The following ITGBL1 variants were observed in gnomAD, a reference collection of about 807,000 sequenced individuals.
The protein encoded by ITGBL1 is integrin beta-like protein 1.
A neutral mutation model predicts 68.5 loss-of-function variants in ITGBL1; 51 were observed. The observed-to-expected ratio is 0.74, with a 90% CI of 0.59 to 0.94. ITGBL1 has a LOEUF of 0.94. Ranked by LOEUF, ITGBL1 falls within the 40% of genes least tolerant of loss-of-function variation. ITGBL1 has a pLI of 0.00. For missense variants in ITGBL1, 649 were observed against 647.4 expected, an observed-to-expected ratio of 1.00 and a Z score of -0.03; for synonymous variants, 209 against 227.3, an observed-to-expected ratio of 0.92 and a Z score of 0.72.
chr13:101,530,360 T>A (rs1489400106), intron 2 of ITGBL1, among the ~76,000 whole-genome samples: 1 of 152,224 alleles, frequency 6.6e-6, no homozygotes, highest in African/African-American at 2.4e-5. Flanking sequence ...TAGTATCTTA[T>A]AAGTAAGAGT....
chr13:101,549,729 G>A (rs1431995995), intron 2 of ITGBL1, among the ~76,000 whole-genome samples: 1 of 151,842 alleles, frequency 6.6e-6, no homozygotes, highest in Non-Finnish European at 1.5e-5. Context: ...AAAATATCCA[G>A]TATAATTTTC....
chr13:101,485,304 T>C (rs1195450661), intron 2 of ITGBL1, among the ~76,000 whole-genome samples: 1 of 152,078 alleles, frequency 6.6e-6, no homozygotes, highest in Non-Finnish European at 1.5e-5. Context: ...ATTACATGGG[T>C]AAATATATGT....
chr13:101,533,788 CATT>C (rs1262075287), intron 2 of ITGBL1, among the ~76,000 whole-genome samples: 7 of 152,152 alleles, frequency 4.6e-5, no homozygotes, highest in Non-Finnish European at 7.4e-5. Flanking sequence ...TAAGGCCTAA[CATT>C]AGTGTTTTCC....
chr13:101,489,918 T>C (rs1156790099), intron 2 of ITGBL1: 1 of 1,398,816 alleles, frequency 7.1e-7, no homozygotes, highest in Non-Finnish European at 9.8e-7. Flanking sequence ...TTGCTAGCTT[T>C]TAGAACAAGC....
chr13:101,657,529 A>G (rs2032964063), intron 7 of ITGBL1, among the ~76,000 whole-genome samples: 2 of 152,016 alleles, frequency 1.3e-5, no homozygotes, highest in South Asian at 4.1e-4. Context: ...TTTGATTTTC[A>G]TTTGTTTTAT....
chr13:101,584,880 G>T (rs1452294047), intron 6 of ITGBL1, among the ~76,000 whole-genome samples: 1 of 151,844 alleles, frequency 6.6e-6, no homozygotes, highest in Non-Finnish European at 1.5e-5. Flanking sequence ...TAGGGCTCAT[G>T]AATTGCAGGA....
chr13:101,649,629 T>C (rs989425405), intron 7 of ITGBL1, among the ~76,000 whole-genome samples: 1 of 150,920 alleles, frequency 6.6e-6, no homozygotes, highest in Non-Finnish European at 1.5e-5. Context: ...TAGATGCTTC[T>C]GTCACAACCT....
intron 3 of ITGBL1, among the ~76,000 whole-genome samples, chr13:101,569,436 G>A (rs114133703): frequency 1.1e-3 from 161 of 152,212 alleles, no homozygotes; most frequent in African/African-American, 3.7e-3. Flanking sequence ...CAATGTAAAC[G>A]CATTTCTAGG....
At chr13:101,623,124 A>G (rs562842659) in intron 7 of ITGBL1, among the ~76,000 whole-genome samples, 50 of 152,276 alleles carry the variant, frequency 3.3e-4, no homozygotes, top group Non-Finnish European at 6.5e-4. Flanking sequence ...TAGGATAAAT[A>G]TTATTCTCTA....
intron 7 of ITGBL1, among the ~76,000 whole-genome samples, chr13:101,604,661 T>C (rs2139343348): frequency 6.6e-6 from 1 of 150,938 alleles, no homozygotes; most frequent in Non-Finnish European, 1.5e-5. Flanking sequence ...ATGACCAGTA[T>C]GAAAACTTGT....
chr13:101,606,114 A>G (rs201907925), intron 7 of ITGBL1, among the ~76,000 whole-genome samples: 1 of 113,328 alleles, frequency 8.8e-6, no homozygotes, highest in African/African-American at 3.5e-5. Context: ...CTCTCTCTCT[A>G]TATATATATA....
chr13:101,495,815 G>A (rs2048850396), intron 2 of ITGBL1, among the ~76,000 whole-genome samples: 1 of 152,100 alleles, frequency 6.6e-6, no homozygotes, highest in South Asian at 2.1e-4. Context: ...TCCCATTTGT[G>A]TAGGTGTATT....
At chr13:101,665,677 G>A (rs2033196703) in intron 7 of ITGBL1, among the ~76,000 whole-genome samples, 1 of 152,052 alleles carries the variant, frequency 6.6e-6, no homozygotes, top group Non-Finnish European at 1.5e-5. Flanking sequence ...GAGCATTCTT[G>A]TCGTGCTCCC....
At chr13:101,588,581 A>G (rs1034917024) in intron 6 of ITGBL1, among the ~76,000 whole-genome samples, 2 of 152,068 alleles carry the variant, frequency 1.3e-5, no homozygotes, top group Non-Finnish European at 2.9e-5. Flanking sequence ...TAGTTCTGTC[A>G]TTTGAAAGAT....
chr13:101,626,558 A>G (rs1316333820), intron 7 of ITGBL1, among the ~76,000 whole-genome samples: 1 of 152,022 alleles, frequency 6.6e-6, no homozygotes. Context: ...AGTTTCTACT[A>G]CCTTTATCTG....
intron 2 of ITGBL1, among the ~76,000 whole-genome samples, chr13:101,523,563 A>G (rs1253890756): frequency 1.3e-5 from 2 of 152,170 alleles, no homozygotes; most frequent in Non-Finnish European, 2.9e-5. Flanking sequence ...CTGGTTTTTC[A>G]TGTTAAAACC....
chr13:101,503,633 T>A (rs2048978842), intron 2 of ITGBL1, among the ~76,000 whole-genome samples: 1 of 152,178 alleles, frequency 6.6e-6, no homozygotes, highest in Admixed American at 6.5e-5. Context: ...GAGTACACCC[T>A]GAGTTTCCCG....
chr13:101,539,050 C>CTT (rs35288585), intron 2 of ITGBL1, among the ~76,000 whole-genome samples: 17,186 of 99,534 alleles, frequency 0.17, 1,506 homozygotes, highest in South Asian at 0.23. Context: ...TGTGCTGCTT[C>CTT]TTTTTTTTTT....
chr13:101,454,935 A>C (rs2048221530), intron 2 of ITGBL1, among the ~76,000 whole-genome samples: 1 of 152,146 alleles, frequency 6.6e-6, no homozygotes. Context: ...GCACATTTTT[A>C]AGGAGTGATT....
Sources: allele counts gnomAD v4.1 joint callset (sites outside exome capture counted in the v4.1 genomes callset), GRCh38; gene constraint gnomAD v4.1.1; transcripts MANE v1.5; gene names NCBI Gene and HGNC (gene_info 2026-07-23, HGNC 2026-07-21).